Variants in TYW1 observed in about 807,000 individuals in gnomAD.
The protein encoded by TYW1 is tRNA-yW synthesizing protein 1 homolog, also known as S-adenosyl-L-methionine-dependent tRNA 4-demethylwyosine synthase TYW1.
In TYW1, 46 loss-of-function variants were observed where a neutral mutation model predicts 96.2. The observed-to-expected ratio is 0.48, with a 90% CI of 0.38 to 0.61. The LOEUF (loss-of-function observed/expected upper bound fraction) is 0.61. Ranked by LOEUF, TYW1 falls within the 20% of genes least tolerant of loss-of-function variation. The pLI, the probability that TYW1 is intolerant of heterozygous loss-of-function variation, is 0.00. For synonymous variants in TYW1, 274 were observed against 323.0 expected (o/e 0.85, Z 1.63); for missense variants, 684 against 909.6 (o/e 0.75, Z 3.19).
intron 7 of TYW1, among the ~76,000 whole-genome samples, chr7:67,027,697 G>C (rs1471254908): frequency 6.6e-6 from 1 of 152,096 alleles, no homozygotes; most frequent in Non-Finnish European, 1.5e-5. Flanking sequence ...TTGGGAGGTC[G>C]AGGCAGGCAG....
chr7:67,067,015 G>A (rs2115669623), intron 9 of TYW1: 1 of 461,066 alleles, frequency 2.2e-6, no homozygotes, highest in Non-Finnish European at 4.0e-6. Context: ...GAAGGAGTCT[G>A]ATGGATTTGA....
chr7:67,088,340 TATG>T (rs1404382725), intron 11 of TYW1, among the ~76,000 whole-genome samples: 3 of 151,824 alleles, frequency 2.0e-5, no homozygotes, highest in African/African-American at 7.3e-5. Context: ...GCTGTAAAAT[TATG>T]ATAATAGAAA....
intron 10 of TYW1, among the ~76,000 whole-genome samples, chr7:67,073,704 G>A (rs1341554383): frequency 2.7e-5 from 4 of 147,326 alleles, no homozygotes; most frequent in Non-Finnish European, 6.0e-5. Flanking sequence ...AACCCAGGAG[G>A]TGGAGGTTGC....
intron 7 of TYW1, among the ~76,000 whole-genome samples, chr7:67,037,883 C>A (rs1794891277): frequency 2.0e-5 from 3 of 152,186 alleles, no homozygotes; most frequent in Admixed American, 6.5e-5. Context: ...AAATTAGCAT[C>A]TTTCTCTTGT....
At position 67,239,228 on chromosome 7, in the gene TYW1, G is replaced by A; in HGVS notation, c.*699G>A. The A allele has an allele frequency of 1.0e-6, 1 of 985,496 alleles. No homozygotes were observed. Among genetic ancestry groups the A allele is most frequent in the Non-Finnish European group, 1.2e-6 (1 of 829,988 alleles). The allele number at this position is 985,496 out of a possible 1,614,324, so 61.0% of individuals were successfully genotyped here. On this transcript the variant is annotated 3_prime_UTR_variant, in exon 16 of 16. Coordinates refer to ENST00000359626, the MANE Select transcript of TYW1 (RefSeq NM_018264.4). ...TGTCTGCTGTAAGAGGAGTGGCCATGTGAGGGCATGGAGTCATTAGTCTCA... is the reference window on the plus strand; with the variant it reads ...TGTCTGCTGTAAGAGGAGTGGCCATATGAGGGCATGGAGTCATTAGTCTCA...
chr7:67,081,418 C>CTTT (rs751694320), intron 10 of TYW1, among the ~76,000 whole-genome samples: 2 of 129,478 alleles, frequency 1.5e-5, no homozygotes, highest in African/African-American at 2.8e-5. Flanking sequence ...CTCAAGGTGG[C>CTTT]TTTTTTTTTT....
intron 6 of TYW1, among the ~76,000 whole-genome samples, chr7:67,021,717 A>G (rs1264015928): frequency 6.6e-6 from 1 of 152,248 alleles, no homozygotes; most frequent in Non-Finnish European, 1.5e-5. Flanking sequence ...TGTTCAAGAT[A>G]ACTTTTGAAG....
chr7:67,001,490 C>T (rs971413553), intron 3 of TYW1, among the ~76,000 whole-genome samples: 1 of 151,390 alleles, frequency 6.6e-6, no homozygotes, highest in Non-Finnish European at 1.5e-5. Flanking sequence ...GGCGCGATCT[C>T]GGCTCACTGC....
chr7:67,006,093 T>C (rs1458818666), intron 3 of TYW1, among the ~76,000 whole-genome samples: 1 of 152,182 alleles, frequency 6.6e-6, no homozygotes, highest in Non-Finnish European at 1.5e-5. Context: ...AAATCTTACG[T>C]CGGATCGTAG....
intron 13 of TYW1, among the ~76,000 whole-genome samples, chr7:67,157,259 A>C (rs1025474475): frequency 1.3e-5 from 2 of 152,182 alleles, no homozygotes; most frequent in Non-Finnish European, 2.9e-5. Context: ...ACTATGGTAC[A>C]TTTGTTACAA....
chr7:67,042,141 T>C (rs1795049559), intron 7 of TYW1, among the ~76,000 whole-genome samples: 1 of 147,734 alleles, frequency 6.8e-6, no homozygotes, highest in Admixed American at 6.8e-5. Context: ...TCTGATATAA[T>C]TATATATTAT....
intron 7 of TYW1, among the ~76,000 whole-genome samples, chr7:67,038,987 C>T (rs947599384): frequency 1.3e-5 from 2 of 152,196 alleles, no homozygotes; most frequent in African/African-American, 4.8e-5. Flanking sequence ...GGATGCTCAA[C>T]TGTTAAGCAA....
chr7:67,177,609 A>G (rs1357009565), intron 13 of TYW1, among the ~76,000 whole-genome samples: 4 of 152,218 alleles, frequency 2.6e-5, no homozygotes, highest in Non-Finnish European at 5.9e-5. Context: ...AAACATATGA[A>G]CTCAGCTTGC....
chr7:67,228,539 C>G (rs185194910), intron 15 of TYW1, among the ~76,000 whole-genome samples: 1 of 152,130 alleles, frequency 6.6e-6, no homozygotes, highest in South Asian at 2.1e-4. Context: ...AGGCTTTTTC[C>G]TAAAGGTTCT....
chr7:67,024,825 A>G, intron 6 of TYW1, 75 bp from the exon 7 acceptor site: 1 of 1,554,324 alleles, frequency 6.4e-7, no homozygotes, highest in Non-Finnish European at 8.7e-7. Context: ...GTGAATTCTC[A>G]GTGTGGGAGG....
At chr7:67,148,979 A>G (rs1406594917) in intron 13 of TYW1, among the ~76,000 whole-genome samples, 2 of 152,244 alleles carry the variant, frequency 1.3e-5, no homozygotes, top group South Asian at 2.1e-4. Flanking sequence ...CCACAAACAG[A>G]TAACAAAGAA....
intron 13 of TYW1, among the ~76,000 whole-genome samples, chr7:67,138,236 A>G (rs1206521242): frequency 1.4e-4 from 21 of 152,270 alleles, no homozygotes; most frequent in Middle Eastern, 3.4e-3. Flanking sequence ...CTCTGCTTCG[A>G]GTGTTTATTC....
intron 14 of TYW1, among the ~76,000 whole-genome samples, 193 bp from the exon 15 acceptor site, chr7:67,194,977 G>C (rs544738635): frequency 3.0e-4 from 44 of 146,470 alleles, no homozygotes; most frequent in African/African-American, 1.1e-3. Flanking sequence ...GCATCAGCCT[G>C]CTGTCTTTGT....
At chr7:67,094,690 GTC>G (rs1491160504) in intron 11 of TYW1, among the ~76,000 whole-genome samples, 1 of 145,500 alleles carries the variant, frequency 6.9e-6, no homozygotes, top group Non-Finnish European at 1.5e-5. Context: ...GTGTGTGTGT[GTC>G]AAGCACAGCT....
Sources: allele counts gnomAD v4.1 joint callset (sites outside exome capture counted in the v4.1 genomes callset), GRCh38; gene constraint gnomAD v4.1.1; transcripts MANE v1.5; gene names NCBI Gene and HGNC (gene_info 2026-07-23, HGNC 2026-07-21).